SMARCA4: variants seen among roughly 807,000 people sequenced by gnomAD.
SMARCA4 encodes the protein SWI/SNF-related matrix-associated actin-dependent regulator of chromatin subfamily A member 4.
SMARCA4 carries 31 observed loss-of-function variants against 193.9 expected under a neutral mutation model. The observed-to-expected ratio is 0.16, with a 90% CI of 0.12 to 0.22. SMARCA4 has a LOEUF of 0.22. SMARCA4 is among the 10% of genes least tolerant of loss of function. SMARCA4 has a pLI of 1.00. For synonymous variants in SMARCA4, 942 were observed against 933.1 expected (o/e 1.01, Z -0.17); for missense variants, 1,148 against 2,296.0 (o/e 0.50, Z 10.22).
chr19:11,025,565 A>G (rs1308588814), intron 22 of SMARCA4, 57 bp downstream of exon 22: 1 of 1,272,424 alleles, frequency 7.9e-7, no homozygotes, highest in Non-Finnish European at 1.1e-6. Flanking sequence ...GCTCCTAGGC[A>G]GAGCTGGCTT....
At position 11,034,326 on chromosome 19, in the gene SMARCA4, TG is replaced by T; in HGVS notation, c.3951+127del. On this transcript the variant is annotated intron_variant, in intron 28 of 34. Transcript: ENST00000344626. This position sits in a 1 kb window ranked among gnomAD's most constrained non-coding sequence, Gnocchi z 7.0. Reference sequence around the variant, plus strand: ...TCAGGGAGCCAGGGACAGCTCACAGTGCAGCCCACTCCCACCTCCAGACTGA... The same window carrying T: ...TCAGGGAGCCAGGGACAGCTCACAGTCAGCCCACTCCCACCTCCAGACTGA... 1 of 766,664 alleles carries T rather than the reference TG, an allele frequency of 1.3e-6. No homozygotes were observed. The highest frequency in any genetic ancestry group is 2.3e-6 in the Non-Finnish European group (1 of 436,284). The allele number at this position is 766,664 out of a possible 1,614,324, so 47.5% of individuals were successfully genotyped here. A position where few individuals can be genotyped will look rare whatever the true frequency, so the allele number is the denominator to read the frequency against.
rs1453843290 is a variant in SMARCA4 at position 11,058,018 on chromosome 19, A to G, written c.4425-237A>G. Among the ~76,000 whole-genome samples, 2 of 151,880 alleles carry G rather than the reference A, an allele frequency of 1.3e-5. No individual in the cohort carries two copies. Among genetic ancestry groups the G allele is most frequent in the East Asian group, 3.9e-4 (2 of 5,176 alleles). The stretch of plus-strand genomic sequence containing the variant: ...TGACTCCAAAGGCTGAGGCAGGAGA[A>G]TCTCCTGAACCTGGGAGGTGGAGGT... On this transcript the variant is annotated intron_variant, in intron 30 of 34. Transcript: ENST00000344626. This position sits in a 1 kb window ranked among gnomAD's most constrained non-coding sequence, Gnocchi z 5.8.
At chr19:10,971,582 C>A (rs2084676696) in intron 1 of SMARCA4, among the ~76,000 whole-genome samples, 1 of 151,510 alleles carries the variant, frequency 6.6e-6, no homozygotes, top group Non-Finnish European at 1.5e-5. Flanking sequence ...GCAGTCTGGA[C>A]CCTCCCACCT....
intron 11 of SMARCA4, among the ~76,000 whole-genome samples, chr19:10,996,752 A>G (rs1318281147): frequency 6.6e-6 from 1 of 150,392 alleles, no homozygotes; most frequent in African/African-American, 2.4e-5. Context: ...TGCATGTGCC[A>G]CAGGATTCAT....
intron 15 of SMARCA4, chr19:11,010,951 G>T: frequency 3.7e-6 from 1 of 271,834 alleles, no homozygotes; most frequent in Non-Finnish European, 7.4e-6. Context: ...TGTGTGGTGT[G>T]AAACGGCGAG....
chr19:10,998,623 C>T (rs569998222), intron 11 of SMARCA4, among the ~76,000 whole-genome samples: 75 of 151,444 alleles, frequency 5.0e-4, no homozygotes, highest in Admixed American at 1.2e-3. Flanking sequence ...AAAGCTTTCT[C>T]TTTGGTCCTG....
rs542508440 is a variant in SMARCA4, at chr19:11,060,808, C to T, written c.4911+621C>T. On this transcript the variant is annotated intron_variant, in intron 34 of 34. Coordinates refer to ENST00000344626, the MANE Select transcript of SMARCA4 (RefSeq NM_003072.5). ...TGCCCCCACCGAAGGGCCTGGCTCCCGCTGAAGCCCAGCGAATGCCATTTT... is the reference window on the plus strand; with the variant it reads ...TGCCCCCACCGAAGGGCCTGGCTCCTGCTGAAGCCCAGCGAATGCCATTTT... 2.1e-3 allele frequency among the ~76,000 whole-genome samples: 315 copies of T among 152,326 alleles called. 5 individuals carry two copies. In the South Asian group the frequency reaches 0.025, roughly 12 times the overall value.
chr19:11,060,331 C>T, intron 34 of SMARCA4, 144 bp downstream of exon 34: 2 of 1,017,420 alleles, frequency 2.0e-6, no homozygotes, highest in South Asian at 2.8e-5. Context: ...ATGGCTGACC[C>T]CAGGTCACAC....
At position 10,984,523 on chromosome 19, in the gene SMARCA4, A is replaced by G. The variant is rs2085843589; in HGVS notation, c.222+150A>G. On this transcript the variant is annotated intron_variant, in intron 2 of 34. Coordinates refer to ENST00000344626, the MANE Select transcript of SMARCA4 (RefSeq NM_003072.5). This position sits in a 1 kb window ranked among gnomAD's most constrained non-coding sequence, Gnocchi z 4.3. Reference sequence around the variant, plus strand: ...GGCTCAGCCCCCTACCCCAGGGCCCACGGCCATGAACAGAAGGTTCAGCTC... The same window carrying G: ...GGCTCAGCCCCCTACCCCAGGGCCCGCGGCCATGAACAGAAGGTTCAGCTC... 3 of 1,366,308 alleles carry G rather than the reference A, an allele frequency of 2.2e-6. No individual in the cohort carries two copies. The highest frequency in any genetic ancestry group is 3.0e-6 in the Non-Finnish European group (3 of 998,598). The allele number at this position is 1,366,308 out of a possible 1,614,324, so 84.6% of individuals were successfully genotyped here.
intron 19 of SMARCA4, among the ~76,000 whole-genome samples, chr19:11,022,339 CAG>C (rs2089937246): frequency 6.6e-6 from 1 of 152,202 alleles, no homozygotes; most frequent in East Asian, 1.9e-4. Flanking sequence ...AACTCACCCT[CAG>C]GGCAGTGGGA....
At chr19:10,999,005 C>T (rs576528923) in intron 11 of SMARCA4, among the ~76,000 whole-genome samples, 3 of 151,706 alleles carry the variant, frequency 2.0e-5, no homozygotes, top group South Asian at 4.2e-4. Context: ...TGGACTGAAG[C>T]GATCCTCCCA....
At chr19:11,003,501 G>C in intron 13 of SMARCA4, 104 bp downstream of exon 13, 1 of 1,127,222 alleles carries the variant, frequency 8.9e-7, no homozygotes, top group Non-Finnish European at 1.4e-6. Flanking sequence ...CATCTTGTGG[G>C]GCAGGGAACA....
intron 34 of SMARCA4, among the ~76,000 whole-genome samples, chr19:11,060,732 A>G (rs2076816728): frequency 1.3e-5 from 2 of 152,150 alleles, no homozygotes. Context: ...TTGCTTCTCA[A>G]GCTTCAGTTT....
chr19:11,061,524 C>T (rs908349147), intron 34 of SMARCA4, among the ~76,000 whole-genome samples: 8 of 152,032 alleles, frequency 5.3e-5, no homozygotes, highest in Admixed American at 2.0e-4. Flanking sequence ...TACAGGCGCC[C>T]GCCACCACGC....
rs2145822600 is a variant in SMARCA4, at chr19:10,987,912, A to T, written c.1106A>T (p.Glu369Val). The change falls in exon 6 of 35, where the codon GAG becomes GTG. Residue 369 changes from glutamate to valine, a missense_variant. By Grantham distance (121) the Glu-to-Val change is moderately radical. Coordinates refer to ENST00000344626, the MANE Select transcript of SMARCA4 (RefSeq NM_003072.5). This position sits in a 1 kb window ranked among gnomAD's most constrained non-coding sequence, Gnocchi z 5.3. ...RGLDPVEILQ[E>V]REYRLQARIA... is the part of the protein sequence containing the mutation. ...CTCGACCCTGTGGAGATCCTGCAGG[A>T]GCGCGAGTACAGGTGAGGGCGGGGC... 6.2e-7 allele frequency: 1 copy of T among 1,612,764 alleles called. No homozygotes were observed. Among genetic ancestry groups the T allele is most frequent in the Non-Finnish European group, 8.5e-7 (1 of 1,179,916 alleles).
chr19:10,989,471 C>T (rs370652948), intron 7 of SMARCA4, 28 bp downstream of exon 7: 76 of 1,612,696 alleles, frequency 4.7e-5, no homozygotes, highest in South Asian at 7.7e-5. Context: ...CGCAGCTTTC[C>T]GAAAAGGGCC....
At chr19:10,989,475 A>T in intron 7 of SMARCA4, 32 bp downstream of exon 7, 1 of 1,612,588 alleles carries the variant, frequency 6.2e-7, no homozygotes, top group South Asian at 1.1e-5. Flanking sequence ...GCTTTCCGAA[A>T]AGGGCCTTTG....
Position 11,019,423 on chromosome 19 carries a change from G to A in SMARCA4, c.2506-168G>A, listed in dbSNP as rs1380206307. 3.8e-5 allele frequency: 24 copies of A among 638,342 alleles called. No individual in the cohort carries two copies. The highest frequency in any genetic ancestry group is 6.8e-5 in the Non-Finnish European group (24 of 352,786). 39.5% of individuals were successfully genotyped at this position (638,342 alleles called of 1,614,324 possible). The stretch of plus-strand genomic sequence containing the variant: ...CCCTGCAGCGCGTGTTCTGCGTGGT[G>A]AGGTCTGGGGACGCGCCAGCGGCCC... On this transcript the variant is annotated intron_variant, in intron 17 of 34. Coordinates refer to ENST00000344626, the MANE Select transcript of SMARCA4 (RefSeq NM_003072.5). The surrounding 1 kb of genome is among the most constrained non-coding windows in gnomAD (Gnocchi z 6.1).
intron 30 of SMARCA4, among the ~76,000 whole-genome samples, chr19:11,045,349 C>T (rs910983402): frequency 3.9e-5 from 6 of 152,094 alleles, no homozygotes; most frequent in Admixed American, 1.3e-4. Flanking sequence ...CTGTGTGCCT[C>T]CAGTTCTGTG....
Sources: allele counts gnomAD v4.1 joint callset (sites outside exome capture counted in the v4.1 genomes callset), GRCh38; gene constraint gnomAD v4.1.1; non-coding constraint Gnocchi (gnomAD v3.1); transcripts MANE v1.5; gene names NCBI Gene and HGNC (gene_info 2026-07-23, HGNC 2026-07-21).